CCDC171: variants seen among roughly 807,000 people sequenced by gnomAD.
CCDC171 encodes coiled-coil domain-containing protein 171.
Under a neutral mutation model 168.2 loss-of-function variants are expected in CCDC171, and 177 were observed. The ratio of observed to expected loss-of-function variants is 1.05; its 90% CI spans 0.93 to 1.19. The LOEUF (loss-of-function observed/expected upper bound fraction) is 1.19, where lower values mean the gene tolerates loss of function less well. CCDC171 is among the 50% of genes most tolerant of loss of function. The pLI is 0.00. For synonymous variants in CCDC171, 687 were observed against 540.8 expected, an observed-to-expected ratio of 1.27 and a Z score of -3.75; for missense variants, 1,991 against 1,539.0, an observed-to-expected ratio of 1.29 and a Z score of -4.91.
intron 3 of CCDC171, among the ~76,000 whole-genome samples, chr9:15,573,755 A>C (rs276453): frequency 0.5 from 76,408 of 151,780 alleles, 19,809 homozygotes; most frequent in East Asian, 0.85. Flanking sequence ...GATAATCATT[A>C]CTCTATTAAA....
chr9:15,833,042 C>T (rs1431387699), intron 21 of CCDC171, among the ~76,000 whole-genome samples: 1 of 131,234 alleles, frequency 7.6e-6, no homozygotes, highest in East Asian at 2.2e-4. Flanking sequence ...GGCTGGAATG[C>T]AGTGGCGCGA....
chr9:16,034,807 C>T (rs926788275), intron 6 of CCDC171, among the ~76,000 whole-genome samples: 7 of 152,144 alleles, frequency 4.6e-5, no homozygotes, highest in Non-Finnish European at 2.9e-5. Flanking sequence ...GTGCTGTGGG[C>T]TTTATTCTCC....
chr9:15,997,260 C>G (rs1832403323), intron 3 of CCDC171, among the ~76,000 whole-genome samples: 1 of 152,146 alleles, frequency 6.6e-6, no homozygotes, highest in Admixed American at 6.5e-5. Context: ...AGAGCAAAGA[C>G]TGCGTCTTAG....
chr9:15,934,570 A>T (rs1241700201), intron 25 of CCDC171, among the ~76,000 whole-genome samples: 1 of 152,052 alleles, frequency 6.6e-6, no homozygotes, highest in East Asian at 1.9e-4. Context: ...GGGAATGTAA[A>T]GTGGTAAACC....
chr9:15,553,646 C>T (rs912935673), intron 1 of CCDC171: 1 of 152,180 alleles, frequency 6.6e-6, no homozygotes, highest in Non-Finnish European at 1.5e-5. Context: ...TTTCAGCCCG[C>T]TCTCCCCTTT....
chr9:15,962,845 A>T (rs2132663463), intron 25 of CCDC171, among the ~76,000 whole-genome samples: 1 of 151,730 alleles, frequency 6.6e-6, no homozygotes, highest in Middle Eastern at 3.4e-3. Context: ...AAATAGGGAT[A>T]GATATGCATG....
At position 15,765,248 on chromosome 9, in the gene CCDC171, G is replaced by A. The variant is rs150317482; in HGVS notation, c.2672-12352G>A. 2.3e-3 allele frequency among the ~76,000 whole-genome samples: 352 copies of A among 152,246 alleles called. 2 individuals are homozygous for A. Among genetic ancestry groups the A allele is most frequent in the African/African-American group, 7.9e-3 (329 of 41,538 alleles). On this transcript the variant is annotated intron_variant, in intron 18 of 25. Transcript: ENST00000380701. ...TAAAGACAGTTTTTATGAAAGGCAA[G>A]CAGGTACATTGAGTTGGAGCAGGAG...
intron 18 of CCDC171, among the ~76,000 whole-genome samples, chr9:15,776,570 T>C (rs2057339970): frequency 6.6e-6 from 1 of 152,208 alleles, no homozygotes; most frequent in Non-Finnish European, 1.5e-5. Context: ...GCTACATAGA[T>C]TTTAAAATTT....
intron 4 of CCDC171, among the ~76,000 whole-genome samples, chr9:15,582,665 C>T (rs1186579329): frequency 6.6e-6 from 1 of 151,954 alleles, no homozygotes; most frequent in African/African-American, 2.4e-5. Context: ...CATCATTCTC[C>T]ACAAACTAAC....
chr9:15,775,256 A>G (rs964182853), intron 18 of CCDC171, among the ~76,000 whole-genome samples: 2 of 152,260 alleles, frequency 1.3e-5, no homozygotes, highest in African/African-American at 4.8e-5. Context: ...TTAAAAATTT[A>G]GAAGAATGCA....
chr9:15,696,462 A>G (rs765007397), intron 11 of CCDC171, among the ~76,000 whole-genome samples: 25 of 152,234 alleles, frequency 1.6e-4, no homozygotes, highest in Non-Finnish European at 2.5e-4. Flanking sequence ...ATTTGTTATC[A>G]TGGACAAATC....
At chr9:15,960,706 G>T (rs190971058) in intron 25 of CCDC171, among the ~76,000 whole-genome samples, 3 of 152,296 alleles carry the variant, frequency 2.0e-5, no homozygotes, top group Admixed American at 6.5e-5. Flanking sequence ...CCCAGTGCTT[G>T]TTGTGATTTG....
intron 2 of CCDC171, among the ~76,000 whole-genome samples, chr9:15,564,619 T>G (rs1369190701): frequency 2.0e-5 from 3 of 152,240 alleles, no homozygotes; most frequent in Admixed American, 6.5e-5. Context: ...TTGCTGTTGC[T>G]CATCTTTTTT....
intron 8 of CCDC171, among the ~76,000 whole-genome samples, chr9:15,665,263 A>T (rs992649430): frequency 3.3e-5 from 5 of 152,114 alleles, no homozygotes; most frequent in African/African-American, 1.2e-4. Context: ...AGTAGCTGGG[A>T]CTACAGGCGC....
chr9:15,667,206 C>G (rs1333773323), intron 9 of CCDC171, among the ~76,000 whole-genome samples: 1 of 152,094 alleles, frequency 6.6e-6, no homozygotes, highest in African/African-American at 2.4e-5. Flanking sequence ...ACCATTTCCC[C>G]CCCCAGAGGG....
chr9:16,019,356 A>G (rs1210024783), intron 3 of CCDC171, among the ~76,000 whole-genome samples: 1 of 152,224 alleles, frequency 6.6e-6, no homozygotes, highest in East Asian at 1.9e-4. Context: ...AGTAAATTGT[A>G]TGACCTCTGT....
At chr9:15,638,771 A>C (rs1032826424) in intron 7 of CCDC171, among the ~76,000 whole-genome samples, 2 of 151,882 alleles carry the variant, frequency 1.3e-5, no homozygotes, top group Admixed American at 6.6e-5. Context: ...TTAAAAAAAA[A>C]CAAACAAACT....
intron 11 of CCDC171, among the ~76,000 whole-genome samples, chr9:15,703,123 C>T (rs1233715873): frequency 1.3e-5 from 2 of 152,068 alleles, no homozygotes; most frequent in Non-Finnish European, 2.9e-5. Context: ...CCAGGCTGGT[C>T]TCGAACTCCT....
chr9:15,685,888 A>G (rs2050359186), intron 10 of CCDC171, among the ~76,000 whole-genome samples: 1 of 152,236 alleles, frequency 6.6e-6, no homozygotes, highest in Non-Finnish European at 1.5e-5. Context: ...TATAATATTA[A>G]TAATTACAAA....
Sources: allele counts gnomAD v4.1 joint callset (sites outside exome capture counted in the v4.1 genomes callset), GRCh38; gene constraint gnomAD v4.1.1; transcripts MANE v1.5; gene names NCBI Gene and HGNC (gene_info 2026-07-23, HGNC 2026-07-21).